Variants in PDE6D observed in about 807,000 individuals in gnomAD.
The protein encoded by PDE6D is retinal rod rhodopsin-sensitive cGMP 3',5'-cyclic phosphodiesterase subunit delta.
PDE6D carries 10 observed loss-of-function variants against 21.9 expected under a neutral mutation model. That is an observed-to-expected ratio of 0.46 (90% confidence interval 0.28 to 0.78). The LOEUF (loss-of-function observed/expected upper bound fraction) is 0.78, where lower values mean the gene tolerates loss of function less well. Ranked by LOEUF, PDE6D falls within the 30% of genes least tolerant of loss-of-function variation. PDE6D has a pLI of 0.12. For missense variants in PDE6D, 139 were observed against 184.8 expected (o/e 0.75, Z 1.44); for synonymous variants, 59 against 63.5 (o/e 0.93, Z 0.34).
intron 1 of PDE6D, among the ~76,000 whole-genome samples, chr2:231,758,036 AT>A (rs2048896775): frequency 6.6e-6 from 1 of 152,158 alleles, no homozygotes; most frequent in African/African-American, 2.4e-5. Flanking sequence ...TTTGATGTAT[AT>A]ATTTCTAATT....
At position 231,733,680 on chromosome 2, in the gene PDE6D, C is replaced by T. The variant is rs923084688; in HGVS notation, c.372-647G>A. 1.1e-4 allele frequency among the ~76,000 whole-genome samples: 15 copies of T among 142,400 alleles called. 1 individual carries two copies. Among genetic ancestry groups the T allele is most frequent in the Admixed American group, 6.4e-4 (9 of 14,088 alleles). The allele number at this position is 142,400 out of a possible 152,430, so 93.4% of individuals were successfully genotyped here. A position where few individuals can be genotyped will look rare whatever the true frequency, so the allele number is the denominator to read the frequency against. On this transcript the variant is annotated intron_variant, in intron 4 of 4. Coordinates refer to ENST00000287600, the MANE Select transcript of PDE6D (RefSeq NM_002601.4). ...CCATCCAGGGATTCCTGCCCATCTG[C>T]ATCTTCCAAGCCGCCCAGCTCTCCC...
chr2:231,750,281 C>CAGTGTTAATAAAG (rs1300838761), intron 1 of PDE6D, among the ~76,000 whole-genome samples: 1 of 152,088 alleles, frequency 6.6e-6, no homozygotes, highest in African/African-American at 2.4e-5. Context: ...TCTTTATCAG[C>CAGTGTTAATAAAG]AGTGTTAAAA....
intron 1 of PDE6D, among the ~76,000 whole-genome samples, chr2:231,745,753 G>A (rs2048789192): frequency 6.6e-6 from 1 of 152,206 alleles, no homozygotes; most frequent in Non-Finnish European, 1.5e-5. Context: ...ATGGAAGAAT[G>A]GGTGACACTT....
chr2:231,766,208 G>A (rs1442771062), intron 1 of PDE6D, among the ~76,000 whole-genome samples: 6 of 152,202 alleles, frequency 3.9e-5, no homozygotes, highest in Admixed American at 3.9e-4. Flanking sequence ...TGCTGGCAAA[G>A]TTACTATGCT....
chr2:231,747,272 G>A lies in PDE6D; in HGVS notation c.51-8084C>T, dbSNP rs540755663. 1.8e-4 allele frequency among the ~76,000 whole-genome samples: 28 copies of A among 152,238 alleles called. 2 individuals are homozygous for A. In the South Asian group the frequency reaches 5.8e-3, roughly 32 times the overall value. ...CACCTGGCTAATTTTTGTATTTTTA[G>A]TAGAGACGGGGTTTCACCATGTTGG... On this transcript the variant is annotated intron_variant, in intron 1 of 4. Coordinates refer to ENST00000287600, the MANE Select transcript of PDE6D (RefSeq NM_002601.4).
intron 1 of PDE6D, among the ~76,000 whole-genome samples, chr2:231,780,441 T>C (rs2049101548): frequency 6.6e-6 from 1 of 152,082 alleles, no homozygotes; most frequent in Admixed American, 6.5e-5. Flanking sequence ...ACGAGGTCGA[T>C]CTTGGACTTC....
chr2:231,744,219 G>A (rs1210859648), intron 1 of PDE6D, among the ~76,000 whole-genome samples: 9 of 152,162 alleles, frequency 5.9e-5, no homozygotes, highest in Non-Finnish European at 1.3e-4. Context: ...GGTCAGAAAA[G>A]CAAAGCCTGG....
intron 1 of PDE6D, among the ~76,000 whole-genome samples, chr2:231,753,358 C>A (rs2048857642): frequency 6.6e-6 from 1 of 150,472 alleles, no homozygotes; most frequent in Non-Finnish European, 1.5e-5. Flanking sequence ...CCCGTCTGTA[C>A]TAAAAAATAC....
chr2:231,775,045 T>C (rs2049044144), intron 1 of PDE6D, among the ~76,000 whole-genome samples: 2 of 152,084 alleles, frequency 1.3e-5, no homozygotes, highest in Non-Finnish European at 2.9e-5. Context: ...CTTGAGCAGC[T>C]GGGATTACAG....
chr2:231,736,619 A>G (rs2048704600), intron 4 of PDE6D, among the ~76,000 whole-genome samples: 1 of 152,238 alleles, frequency 6.6e-6, no homozygotes, highest in Non-Finnish European at 1.5e-5. Context: ...AAAGCTATTA[A>G]TATGGTAAGC....
chr2:231,771,840 A>C (rs1015199347), intron 1 of PDE6D, among the ~76,000 whole-genome samples: 2 of 152,220 alleles, frequency 1.3e-5, no homozygotes, highest in Non-Finnish European at 1.5e-5. Flanking sequence ...GTTAAGTAAG[A>C]AAGGCTGTCA....
chr2:231,772,618 T>C (rs1375325221), intron 1 of PDE6D, among the ~76,000 whole-genome samples: 1 of 152,154 alleles, frequency 6.6e-6, no homozygotes, highest in Non-Finnish European at 1.5e-5. Context: ...AGTCAAATCC[T>C]CTCATAACAC....
chr2:231,778,322 A>C (rs1297124626), intron 1 of PDE6D, among the ~76,000 whole-genome samples: 1 of 152,246 alleles, frequency 6.6e-6, no homozygotes, highest in African/African-American at 2.4e-5. Context: ...GTTCAACAAA[A>C]AAGGAGACAA....
intron 1 of PDE6D, among the ~76,000 whole-genome samples, chr2:231,769,417 A>G (rs1207964079): frequency 6.6e-6 from 1 of 152,154 alleles, no homozygotes; most frequent in African/African-American, 2.4e-5. Flanking sequence ...CTTAATCTTT[A>G]GCAGTGACCT....
intron 1 of PDE6D, among the ~76,000 whole-genome samples, chr2:231,740,217 G>C (rs888719428): frequency 2.3e-4 from 35 of 152,034 alleles, no homozygotes; most frequent in Non-Finnish European, 2.9e-4. Flanking sequence ...ATATTTTCTA[G>C]TTTCTGTATT....
At chr2:231,769,589 T>C (rs2048999575) in intron 1 of PDE6D, among the ~76,000 whole-genome samples, 1 of 151,748 alleles carries the variant, frequency 6.6e-6, no homozygotes, top group Non-Finnish European at 1.5e-5. Context: ...GATATACATA[T>C]ACACACACAT....
intron 1 of PDE6D, among the ~76,000 whole-genome samples, chr2:231,750,366 T>C (rs1449414911): frequency 6.6e-6 from 1 of 152,202 alleles, no homozygotes; most frequent in Non-Finnish European, 1.5e-5. Context: ...ATATGTTTCA[T>C]TTAAAATGAC....
intron 4 of PDE6D, 35 bp from the exon 5 acceptor site, chr2:231,733,068 AGT>A (rs749335524): frequency 7.3e-7 from 1 of 1,366,402 alleles, no homozygotes; most frequent in Non-Finnish European, 1.0e-6. Context: ...GGCAAAAGAG[AGT>A]GAGCATGTTA....
At position 231,778,781 on chromosome 2, in the gene PDE6D, T is replaced by C. The variant is rs186083095; in HGVS notation, c.50+2284A>G. On this transcript the variant is annotated intron_variant, in intron 1 of 4. Coordinates refer to ENST00000287600, the MANE Select transcript of PDE6D (RefSeq NM_002601.4). The stretch of plus-strand genomic sequence containing the variant: ...ACCACTATGCTACATTACCTTTTCA[T>C]GGATCTAGGGATCCAGAAGAATACC... 7 of 152,370 alleles carry C rather than the reference T, an allele frequency of 4.6e-5. No homozygotes were observed. The East Asian group carries it at 5.8e-4, about 13-fold the overall frequency. The allele number at this position is 152,370 out of a possible 1,614,324, so 9.4% of individuals were successfully genotyped here.
Sources: allele counts gnomAD v4.1 joint callset (sites outside exome capture counted in the v4.1 genomes callset), GRCh38; gene constraint gnomAD v4.1.1; transcripts MANE v1.5; gene names NCBI Gene and HGNC (gene_info 2026-07-23, HGNC 2026-07-21).